The following NDUFV3 variants were observed in gnomAD, a reference collection of about 807,000 sequenced individuals.
The protein encoded by NDUFV3 is NADH dehydrogenase [ubiquinone] flavoprotein 3, mitochondrial.
A neutral mutation model predicts 37.5 loss-of-function variants in NDUFV3; 44 were observed. The observed-to-expected ratio is 1.17, with a 90% CI of 0.92 to 1.51. The LOEUF (loss-of-function observed/expected upper bound fraction) is 1.51. NDUFV3 is among the 40% of genes most tolerant of loss of function. The pLI, the probability that NDUFV3 is intolerant of heterozygous loss-of-function variation, is 0.00. For synonymous variants in NDUFV3, 235 were observed against 239.3 expected, an observed-to-expected ratio of 0.98 and a Z score of 0.17; for missense variants, 580 against 580.4, an observed-to-expected ratio of 1.00 and a Z score of 0.01.
intron 2 of NDUFV3, among the ~76,000 whole-genome samples, chr21:42,902,251 TA>T (rs201582757): frequency 4.0e-5 from 6 of 151,458 alleles, no homozygotes; most frequent in East Asian, 3.9e-4. Context: ...TAAGTAAAAA[TA>T]AAAAAAAACT....
Position 42,897,057 on chromosome 21 carries a change from T to C in NDUFV3, c.169+10T>C. The C allele has an allele frequency of 1.9e-6, 3 of 1,613,686 alleles. No homozygotes were observed. The South Asian group carries it at 3.3e-5, about 18-fold the overall frequency. On this transcript the variant is annotated intron_variant, in intron 2 of 3. Coordinates refer to ENST00000354250, the MANE Select transcript of NDUFV3 (RefSeq NM_021075.4). ...CAAAGTCCACCAAAAAGTAAGATTT[T>C]GATGGTAGTCATAAGGGAAAGAGAA...
intron 2 of NDUFV3, among the ~76,000 whole-genome samples, chr21:42,901,628 T>G (rs1277259920): frequency 6.6e-6 from 1 of 151,800 alleles, no homozygotes; most frequent in Non-Finnish European, 1.5e-5. Context: ...AAACGAAATT[T>G]TACGTATCAA....
rs1426642577 is a variant in NDUFV3 at position 42,903,513 on chromosome 21, G to A, written c.501G>A (p.Glu167=). 1.9e-6 allele frequency: 3 copies of A among 1,614,182 alleles called. No homozygotes were observed. Among genetic ancestry groups the A allele is most frequent in the Non-Finnish European group, 2.5e-6 (3 of 1,180,038 alleles). Residue 167 remains glutamate (E), a synonymous_variant, in exon 3 of 4, where the codon GAG becomes GAA. Coordinates refer to ENST00000354250, the MANE Select transcript of NDUFV3 (RefSeq NM_021075.4). ...CCTCTGATTCTGAATCTGATGATGA[G>A]GCTGACGTTTCAGAGGTCACTCCTC... ...SSSSDSESDD[E]ADVSEVTPRV... is the part of the protein sequence containing the mutation.
chr21:42,905,056 T>A (rs965171743), intron 3 of NDUFV3, among the ~76,000 whole-genome samples: 1 of 152,228 alleles, frequency 6.6e-6, no homozygotes, highest in African/African-American at 2.4e-5. Flanking sequence ...CCCAAAGTGC[T>A]GGGATTACAG....
intron 3 of NDUFV3, chr21:42,906,933 A>G (rs777332683): frequency 2.0e-6 from 1 of 506,538 alleles, no homozygotes; most frequent in Non-Finnish European, 3.9e-6. Flanking sequence ...AACGTAACTT[A>G]AAAATGAAAA....
rs1228597836 is a variant in NDUFV3, at chr21:42,894,360, TTA to T, written c.48+989_48+990del. ...TATATATATTATATATAAATATATA[TTA>T]TATATATATTTATATAATATGTAAA... On this transcript the variant is annotated intron_variant, in intron 1 of 3. Transcript: ENST00000354250. Among the ~76,000 whole-genome samples the T allele has an allele frequency of 2.0e-3, 52 of 26,002 alleles. 11 individuals carry two copies. In the Middle Eastern group the frequency reaches 0.042, roughly 21 times the overall value. 17.1% of individuals were successfully genotyped at this position (26,002 alleles called of 152,430 possible).
At chr21:42,896,775 G>A in intron 1 of NDUFV3, 152 bp from the exon 2 acceptor site, 1 of 647,846 alleles carries the variant, frequency 1.5e-6, no homozygotes, top group Non-Finnish European at 2.5e-6. Flanking sequence ...GGAGTTGAAG[G>A]CTGCAGTGAG....
rs955096047 is a variant in NDUFV3, at chr21:42,909,735, A to G, written c.*714A>G. On this transcript the variant is annotated 3_prime_UTR_variant, in exon 4 of 4. Transcript: ENST00000354250. ...GTCTCTGTTTCCCAGGCTGGAGTCC[A>G]GCGGCACAATCTAAACTCACTGCAA... is the stretch of plus-strand genomic sequence containing the variant. 2.0e-5 allele frequency: 3 copies of G among 152,834 alleles called. No individual in the cohort carries two copies. The highest frequency in any genetic ancestry group is 2.9e-5 in the Non-Finnish European group (2 of 68,618). The allele number at this position is 152,834 out of a possible 1,614,324, so 9.5% of individuals were successfully genotyped here.
intron 2 of NDUFV3, among the ~76,000 whole-genome samples, chr21:42,901,934 C>T (rs908802559): frequency 3.9e-5 from 6 of 152,236 alleles, no homozygotes; most frequent in Non-Finnish European, 5.9e-5. Flanking sequence ...AAATGCCGGG[C>T]ACGGTGGCTC....
In NDUFV3 at chr21:42,909,208, C is replaced by G. The variant is rs1255624411; in HGVS notation, c.*187C>G. The G allele has an allele frequency of 1.8e-6, 1 of 562,106 alleles. No homozygotes were observed. Among genetic ancestry groups the G allele is most frequent in the African/African-American group, 2.1e-5 (1 of 46,614 alleles). The allele number at this position is 562,106 out of a possible 1,614,324, so 34.8% of individuals were successfully genotyped here. ...CCAGGCTGGAGTGCAGTGGCACATT[C>G]TCGGCTCACTGCAACTTCCGCCTCC... On this transcript the variant is annotated 3_prime_UTR_variant, in exon 4 of 4. Transcript: ENST00000354250.
intron 1 of NDUFV3, 93 bp from the exon 2 acceptor site, chr21:42,896,833 CT>C (rs1370791746): frequency 6.1e-6 from 8 of 1,320,206 alleles, no homozygotes; most frequent in East Asian, 5.4e-5. Context: ...AGAGAGACCC[CT>C]GACTCAAAAA....
At chr21:42,906,945 CAG>C (rs752911884) in intron 3 of NDUFV3, 3 of 500,766 alleles carry the variant, frequency 6.0e-6, no homozygotes, top group African/African-American at 2.0e-5. Context: ...AAATGAAAAA[CAG>C]AGCTTTTGAT....
chr21:42,903,316 A>C lies in NDUFV3; in HGVS notation c.304A>C (p.Ser102Arg), dbSNP rs1301561098. 6.2e-7 allele frequency: 1 copy of C among 1,614,198 alleles called. No homozygotes were observed. The highest frequency in any genetic ancestry group is 2.2e-5 in the East Asian group (1 of 44,896). The change falls in exon 3 of 4, where the codon AGT becomes CGT. Residue 102 changes from serine (S) to arginine (R), a missense_variant. Coordinates refer to ENST00000354250, the MANE Select transcript of NDUFV3 (RefSeq NM_021075.4). ...KGRKVASPSP[S>R]GSVLFTDEGV... ...CAGGAAGGTAGCTAGTCCCAGTCCCAGTGGCAGCGTGCTATTCACAGATGA... is the reference window on the plus strand; with the variant it reads ...CAGGAAGGTAGCTAGTCCCAGTCCCCGTGGCAGCGTGCTATTCACAGATGA...
chr21:42,903,754 A>T lies in NDUFV3; in HGVS notation c.742A>T (p.Thr248Ser). ...EGRENARPKT[T>S]MPRSQVDEEF... The stretch of plus-strand genomic sequence containing the variant: ...CAGGGAAAATGCGAGACCAAAAACC[A>T]CAATGCCCAGATCTCAAGTAGATGA... Residue 248 changes from threonine (T) to serine (S), a missense_variant, in exon 3 of 4, where the codon ACA becomes TCA. Coordinates refer to ENST00000354250, the MANE Select transcript of NDUFV3 (RefSeq NM_021075.4). 1 of 1,614,222 alleles carries T rather than the reference A, an allele frequency of 6.2e-7. No individual in the cohort carries two copies. Among genetic ancestry groups the T allele is most frequent in the African/African-American group, 1.3e-5 (1 of 75,074 alleles).
In NDUFV3 at chr21:42,903,257, C is replaced by T. The variant is rs1217701963; in HGVS notation, c.245C>T (p.Ser82Leu). 1 of 1,614,176 alleles carries T rather than the reference C, an allele frequency of 6.2e-7. No individual in the cohort carries two copies. Among genetic ancestry groups the T allele is most frequent in the Admixed American group, 1.7e-5 (1 of 60,008 alleles). The change falls in exon 3 of 4, where the codon TCA becomes TTA. Residue 82 changes from serine to leucine, a missense_variant. By Grantham distance (145) the Ser-to-Leu change is moderately radical (BLOSUM62 -2). Transcript: ENST00000354250. ...TAAELSKNLSSPSSYPPAVNK... is the reference protein window; with the variant it reads ...TAAELSKNLSLPSSYPPAVNK... The stretch of plus-strand genomic sequence containing the variant: ...GCTGAATTGTCTAAAAACTTATCTT[C>T]ACCCAGTTCTTACCCGCCAGCTGTG...
At position 42,910,716 on chromosome 21, in the gene NDUFV3, A is replaced by G. The variant is rs112859038; in HGVS notation, c.*1695A>G. 1.8e-5 allele frequency: 1 copy of G among 54,620 alleles called. No homozygotes were observed. The highest frequency in any genetic ancestry group is 4.0e-5 in the Non-Finnish European group (1 of 24,864). The allele number at this position is 54,620 out of a possible 1,614,324, so 3.4% of individuals were successfully genotyped here. A position where few individuals can be genotyped will look rare whatever the true frequency, so the allele number is the denominator to read the frequency against. ...GCAGGGACGGAGTAGGAAGAGGTGAAGTTTTGTGCGGTGCAGGGACGAAGT... is the reference window on the plus strand; with the variant it reads ...GCAGGGACGGAGTAGGAAGAGGTGAGGTTTTGTGCGGTGCAGGGACGAAGT... On this transcript the variant is annotated 3_prime_UTR_variant, in exon 4 of 4. Coordinates refer to ENST00000354250, the MANE Select transcript of NDUFV3 (RefSeq NM_021075.4).
rs756066564 is a variant in NDUFV3 at position 42,903,558 on chromosome 21, AG to A, written c.552del (p.Leu185PhefsTer70). ...VTPRVVSKGR[G>X]GLRKPEASHS... The stretch of plus-strand genomic sequence containing the variant: ...CTCCTCGAGTGGTGAGCAAAGGCAG[AG>A]GGGGGCTTCGAAAACCAGAGGCCTC... On this transcript the variant is annotated frameshift_variant, in exon 3 of 4. Transcript: ENST00000354250. LOFTEE classifies it high-confidence loss of function. 6.2e-7 allele frequency: 1 copy of A among 1,613,922 alleles called. No individual in the cohort carries two copies. The highest frequency in any genetic ancestry group is 1.3e-5 in the African/African-American group (1 of 74,930).
At position 42,910,719 on chromosome 21, in the gene NDUFV3, T is replaced by TGCAGGGACGGAGTAGGAAGAGGTGAAG. The variant is rs2058766916; in HGVS notation, c.*1698_*1699insGCAGGGACGGAGTAGGAAGAGGTGAAG. 1.8e-5 allele frequency: 1 copy of TGCAGGGACGGAGTAGGAAGAGGTGAAG among 55,738 alleles called. No homozygotes were observed. Among genetic ancestry groups the TGCAGGGACGGAGTAGGAAGAGGTGAAG allele is most frequent in the Admixed American group, 2.0e-4 (1 of 5,102 alleles). 3.5% of individuals were successfully genotyped at this position (55,738 alleles called of 1,614,324 possible). A position where few individuals can be genotyped will look rare whatever the true frequency, so the allele number is the denominator to read the frequency against. On this transcript the variant is annotated 3_prime_UTR_variant, in exon 4 of 4. Transcript: ENST00000354250. ...GGGACGGAGTAGGAAGAGGTGAAGT[T>TGCAGGGACGGAGTAGGAAGAGGTGAAG]TTGTGCGGTGCAGGGACGAAGTTGC...
At chr21:42,904,949 T>C (rs9982927) in intron 3 of NDUFV3, among the ~76,000 whole-genome samples, 91,368 of 151,150 alleles carry the variant, frequency 0.6, 28,338 homozygotes, top group African/African-American at 0.71. Flanking sequence ...CACCACCATG[T>C]CCAGCTAATT....
Sources: gnomAD v4.1 joint callset for allele counts (sites outside exome capture counted in the v4.1 genomes callset) on GRCh38, gnomAD v4.1.1 for gene constraint, MANE v1.5 for transcripts, NCBI Gene and HGNC (gene_info 2026-07-23, HGNC 2026-07-21) for gene names.